Variants in TRPM6 observed in about 807,000 individuals in gnomAD.
TRPM6 encodes the protein transient receptor potential cation channel subfamily M member 6.
TRPM6 carries 111 observed loss-of-function variants against 247.6 expected under a neutral mutation model. The observed-to-expected ratio is 0.45, with a 90% CI of 0.38 to 0.52. The LOEUF is 0.52. Ranked by LOEUF, TRPM6 falls within the 20% of genes least tolerant of loss-of-function variation. The pLI, the probability that TRPM6 is intolerant of heterozygous loss-of-function variation, is 0.00. For synonymous variants in TRPM6, 892 were observed against 853.8 expected (o/e 1.04, Z -0.78); for missense variants, 2,126 against 2,421.5 (o/e 0.88, Z 2.56).
intron 3 of TRPM6, among the ~76,000 whole-genome samples, chr9:74,848,271 T>C (rs181136373): frequency 2.6e-5 from 4 of 152,266 alleles, no homozygotes; most frequent in African/African-American, 7.2e-5. Flanking sequence ...ATCACTACTC[T>C]TGCACTTTGG....
intron 13 of TRPM6, among the ~76,000 whole-genome samples, chr9:74,809,993 A>C (rs1275569504): frequency 1.3e-5 from 2 of 151,136 alleles, no homozygotes; most frequent in Non-Finnish European, 3.0e-5. Context: ...AAAAAAAAAA[A>C]AAAAAAAAAC....
chr9:74,755,779 G>C (rs1000977249), intron 27 of TRPM6, among the ~76,000 whole-genome samples: 1 of 152,148 alleles, frequency 6.6e-6, no homozygotes, highest in African/African-American at 2.4e-5. Context: ...CCCACCTCTG[G>C]AATCTCTAAT....
At chr9:74,816,384 A>T (rs920083271) in intron 11 of TRPM6, among the ~76,000 whole-genome samples, 14 of 151,546 alleles carry the variant, frequency 9.2e-5, no homozygotes, top group Non-Finnish European at 1.8e-4. Flanking sequence ...ATAAAATAAC[A>T]TAAATATATT....
intron 21 of TRPM6, 36 bp from the exon 22 acceptor site, chr9:74,782,889 C>A (rs1203939350): frequency 1.2e-6 from 2 of 1,606,314 alleles, no homozygotes; most frequent in Non-Finnish European, 1.7e-6. Flanking sequence ...AATTTTACCA[C>A]AGATTTGAAG....
intron 27 of TRPM6, 120 bp downstream of exon 27, chr9:74,761,576 A>G (rs1467339853): frequency 1.4e-6 from 1 of 734,350 alleles, no homozygotes; most frequent in Non-Finnish European, 2.5e-6. Flanking sequence ...TATATCTTCA[A>G]TCCTTTCAAC....
At chr9:74,779,810 G>T (rs1005159973) in intron 23 of TRPM6, among the ~76,000 whole-genome samples, 2 of 152,216 alleles carry the variant, frequency 1.3e-5, no homozygotes, top group Non-Finnish European at 2.9e-5. Context: ...CACCTGTATG[G>T]TCTGAAAAAC....
At chr9:74,733,980 A>G (rs1825610500) in intron 36 of TRPM6, among the ~76,000 whole-genome samples, 1 of 152,248 alleles carries the variant, frequency 6.6e-6, no homozygotes, top group African/African-American at 2.4e-5. Context: ...TGCTTATGGT[A>G]TGTGAATTTT....
In TRPM6 at chr9:74,788,858, A is replaced by C. The variant is rs1827791300; in HGVS notation, c.2539-116T>G. On this transcript the variant is annotated intron_variant, in intron 19 of 38. Transcript: ENST00000360774. The stretch of plus-strand genomic sequence containing the variant: ...AACTTCAACATGATAACACGAACAC[A>C]GAACTAGGACCACCTTCGGGTTATT... 2.4e-6 allele frequency: 3 copies of C among 1,266,458 alleles called. No individual in the cohort carries two copies. In the East Asian group the frequency reaches 7.6e-5, roughly 32 times the overall value. The allele number at this position is 1,266,458 out of a possible 1,614,324, so 78.5% of individuals were successfully genotyped here.
chr9:74,778,543 C>A (rs1414209823), intron 23 of TRPM6, among the ~76,000 whole-genome samples: 2 of 152,208 alleles, frequency 1.3e-5, no homozygotes, highest in African/African-American at 2.4e-5. Context: ...GACGCCACTG[C>A]AGCATTAGGG....
At chr9:74,791,596 C>T (rs747131656) in intron 19 of TRPM6, among the ~76,000 whole-genome samples, 5 of 151,932 alleles carry the variant, frequency 3.3e-5, no homozygotes, top group Non-Finnish European at 7.3e-5. Context: ...GCTCTACTAT[C>T]CATAATAGAT....
chr9:74,809,952 C>T (rs1828666157), intron 13 of TRPM6, among the ~76,000 whole-genome samples: 1 of 122,654 alleles, frequency 8.2e-6, no homozygotes, highest in Non-Finnish European at 1.6e-5. Flanking sequence ...GCACTCCAGC[C>T]TGGGCAAGAG....
At chr9:74,819,253 G>A (rs1404055092) in intron 9 of TRPM6, among the ~76,000 whole-genome samples, 2 of 151,608 alleles carry the variant, frequency 1.3e-5, no homozygotes, top group Non-Finnish European at 1.5e-5. Flanking sequence ...AGGTTGCAGC[G>A]AGCCAAGATC....
chr9:74,792,318 G>C (rs2118973627), intron 19 of TRPM6, among the ~76,000 whole-genome samples: 1 of 152,234 alleles, frequency 6.6e-6, no homozygotes, highest in Middle Eastern at 3.4e-3. Context: ...AGTTTTTAGA[G>C]ACAGGAGCAA....
rs377404344 is a variant in TRPM6, at chr9:74,834,662, A to G, written c.545-540T>C. Among the ~76,000 whole-genome samples the G allele has an allele frequency of 1.5e-4, 22 of 146,718 alleles. No individual in the cohort carries two copies. In the East Asian group the frequency reaches 4.3e-3, roughly 28 times the overall value. On this transcript the variant is annotated intron_variant, in intron 5 of 38. Transcript: ENST00000360774. The stretch of plus-strand genomic sequence containing the variant: ...TGTGATGTTCCCCACCCTATGTCCA[A>G]GTGTTCTCATTGTTCAATTCCCACC...
In TRPM6 at chr9:74,762,801, C is replaced by G; in HGVS notation, c.3870G>C (p.Arg1290=). 1 of 1,614,150 alleles carries G rather than the reference C, an allele frequency of 6.2e-7. No individual in the cohort carries two copies. The highest frequency in any genetic ancestry group is 8.5e-7 in the Non-Finnish European group (1 of 1,180,036). The change falls in exon 26 of 39, where the codon CGG becomes CGC. Residue 1290 remains arginine, a synonymous_variant. Coordinates refer to ENST00000360774, the MANE Select transcript of TRPM6 (RefSeq NM_017662.5). ...CCCCCCTCTGCACTCTTGGGGGATG[C>G]CGGCCTCCAGCCAGGCTCCTCAGCA... The part of the protein sequence containing the change: ...SSLLRSLAGG[R]HPPRVQRGAL...
intron 29 of TRPM6, 64 bp downstream of exon 29, chr9:74,752,213 G>A (rs1826271958): frequency 6.7e-6 from 6 of 890,576 alleles, no homozygotes; most frequent in Non-Finnish European, 1.1e-5. Flanking sequence ...GGTAAAATGG[G>A]CGTAGTCAAG....
At chr9:74,776,536 T>C (rs566163536) in intron 23 of TRPM6, among the ~76,000 whole-genome samples, 13 of 152,300 alleles carry the variant, frequency 8.5e-5, no homozygotes, top group East Asian at 3.9e-4. Flanking sequence ...ACAGTGTTAG[T>C]GAAGAAACGG....
intron 32 of TRPM6, among the ~76,000 whole-genome samples, 159 bp downstream of exon 32, chr9:74,743,936 A>G (rs371863511): frequency 1.4e-4 from 22 of 152,378 alleles, no homozygotes; most frequent in African/African-American, 5.3e-4. Context: ...AGTCAATGGC[A>G]AAGTTAGAAA....
chr9:74,780,370 C>A (rs1174341930), intron 23 of TRPM6, among the ~76,000 whole-genome samples: 3 of 151,684 alleles, frequency 2.0e-5, no homozygotes, highest in Non-Finnish European at 4.4e-5. Flanking sequence ...AGGACACCTG[C>A]TTGAACCTGG....
Sources: gnomAD v4.1 joint callset for allele counts (sites outside exome capture counted in the v4.1 genomes callset) on GRCh38, gnomAD v4.1.1 for gene constraint, MANE v1.5 for transcripts, NCBI Gene and HGNC (gene_info 2026-07-23, HGNC 2026-07-21) for gene names.